The following GRID2 variants were observed in gnomAD, a reference collection of about 807,000 sequenced individuals.
GRID2 encodes glutamate receptor ionotropic, delta-2.
GRID2 carries 33 observed loss-of-function variants against 114.8 expected under a neutral mutation model. That is an observed-to-expected ratio of 0.29 (90% CI 0.22 to 0.38). GRID2 has a LOEUF of 0.38. Among genes scored for constraint, GRID2 ranks in the 10% least tolerant of loss-of-function variants. The pLI is 1.00. For synonymous variants in GRID2, 505 were observed against 449.9 expected (o/e 1.12, Z -1.55); for missense variants, 1,184 against 1,257.7 (o/e 0.94, Z 0.89).
chr4:93,142,126 A>G (rs1235810573), intron 4 of GRID2, among the ~76,000 whole-genome samples: 1 of 152,120 alleles, frequency 6.6e-6, no homozygotes, highest in Non-Finnish European at 1.5e-5. Context: ...AGGCATGAGG[A>G]TGGCTTGAGC....
intron 13 of GRID2, among the ~76,000 whole-genome samples, chr4:93,571,696 T>C (rs915180305): frequency 1.4e-4 from 21 of 152,084 alleles, no homozygotes; most frequent in South Asian, 1.2e-3. Context: ...GTCAAGAAAA[T>C]GTATATATAA....
chr4:93,658,159 A>G (rs1464982146), intron 14 of GRID2, among the ~76,000 whole-genome samples: 1 of 152,214 alleles, frequency 6.6e-6, no homozygotes, highest in African/African-American at 2.4e-5. Flanking sequence ...AATCAATCTT[A>G]GAGCATAAAA....
At chr4:92,962,289 C>A (rs1250733946) in intron 2 of GRID2, among the ~76,000 whole-genome samples, 3 of 151,324 alleles carry the variant, frequency 2.0e-5, no homozygotes, top group Non-Finnish European at 3.0e-5. Context: ...TGTAAATAGA[C>A]CTTTAGTAAT....
At chr4:92,909,809 T>G (rs1391934262) in intron 2 of GRID2, among the ~76,000 whole-genome samples, 1 of 152,148 alleles carries the variant, frequency 6.6e-6, no homozygotes, top group East Asian at 1.9e-4. Context: ...TAGATCATGC[T>G]CTATGTCCTT....
chr4:92,712,095 AATCTG>A (rs1396910281), intron 2 of GRID2, among the ~76,000 whole-genome samples: 1 of 151,996 alleles, frequency 6.6e-6, no homozygotes, highest in Non-Finnish European at 1.5e-5. Context: ...CTACCATACT[AATCTG>A]ATCAACACGA....
intron 1 of GRID2, among the ~76,000 whole-genome samples, chr4:92,361,227 C>G (rs1236722028): frequency 2.0e-5 from 3 of 151,882 alleles, no homozygotes; most frequent in African/African-American, 7.3e-5. Flanking sequence ...ATATCAGAGC[C>G]ATAACTTAAC....
At chr4:93,390,413 C>T (rs1764738848) in intron 8 of GRID2, among the ~76,000 whole-genome samples, 1 of 152,150 alleles carries the variant, frequency 6.6e-6, no homozygotes, top group South Asian at 2.1e-4. Context: ...TTTCTTTAGT[C>T]TCAGTGTGTC....
intron 1 of GRID2, among the ~76,000 whole-genome samples, chr4:92,445,886 A>T (rs995519906): frequency 1.6e-4 from 25 of 152,178 alleles, no homozygotes; most frequent in African/African-American, 4.6e-4. Context: ...CTGTGAACAC[A>T]TTTTTAATTT....
At chr4:93,382,920 T>A (rs933508216) in intron 8 of GRID2, among the ~76,000 whole-genome samples, 3 of 152,008 alleles carry the variant, frequency 2.0e-5, no homozygotes, top group African/African-American at 7.3e-5. Context: ...TCCCCTTTTG[T>A]TCTAAATGTT....
At chr4:92,721,976 C>T (rs978125064) in intron 2 of GRID2, among the ~76,000 whole-genome samples, 3 of 152,140 alleles carry the variant, frequency 2.0e-5, no homozygotes, top group Non-Finnish European at 4.4e-5. Context: ...GTATCTCTAT[C>T]ACCTGCAGGT....
At chr4:92,946,981 T>C (rs1046429429) in intron 2 of GRID2, among the ~76,000 whole-genome samples, 1 of 152,042 alleles carries the variant, frequency 6.6e-6, no homozygotes, top group South Asian at 2.1e-4. Context: ...CTCTGAAAGA[T>C]GGAAAGATTT....
intron 2 of GRID2, among the ~76,000 whole-genome samples, chr4:92,598,337 A>G (rs533562180): frequency 2.6e-5 from 4 of 151,816 alleles, no homozygotes; most frequent in African/African-American, 9.7e-5. Flanking sequence ...TTTGGCCTTT[A>G]CTCTGTAACC....
intron 2 of GRID2, among the ~76,000 whole-genome samples, chr4:92,946,749 A>T (rs1006296046): frequency 7.9e-5 from 12 of 152,104 alleles, no homozygotes; most frequent in Non-Finnish European, 1.3e-4. Flanking sequence ...GGTTCTCCAA[A>T]TGCAGCATCG....
At chr4:92,748,202 G>A (rs1416273876) in intron 2 of GRID2, among the ~76,000 whole-genome samples, 2 of 152,048 alleles carry the variant, frequency 1.3e-5, no homozygotes, top group Non-Finnish European at 2.9e-5. Context: ...AATATTTAAG[G>A]CATGTATTAG....
chr4:92,942,798 G>A (rs1751267504), intron 2 of GRID2, among the ~76,000 whole-genome samples: 1 of 152,142 alleles, frequency 6.6e-6, no homozygotes, highest in African/African-American at 2.4e-5. Flanking sequence ...TTGCTTGTCT[G>A]TAAAGGATTT....
At position 92,617,380 on chromosome 4, in the gene GRID2, C is replaced by A. The variant is rs186821745; in HGVS notation, c.244+27094C>A. On this transcript the variant is annotated intron_variant, in intron 2 of 15. Transcript: ENST00000282020. Reference sequence around the variant, plus strand: ...CCTAATGCTCTCCCTCCACTTGTCCCCCATCCCCGACAGGCCCTGCTGTGT... The same window carrying A: ...CCTAATGCTCTCCCTCCACTTGTCCACCATCCCCGACAGGCCCTGCTGTGT... Among the ~76,000 whole-genome samples the A allele has an allele frequency of 4.8e-3, 727 of 151,686 alleles. 2 individuals are homozygous for A. Among genetic ancestry groups the A allele is most frequent in the Non-Finnish European group, 5.9e-3 (403 of 67,766 alleles).
At chr4:93,694,603 T>C (rs1726851009) in intron 14 of GRID2, among the ~76,000 whole-genome samples, 1 of 152,196 alleles carries the variant, frequency 6.6e-6, no homozygotes, top group South Asian at 2.1e-4. Flanking sequence ...CGCCTCCCAG[T>C]CCTTATCACT....
intron 14 of GRID2, among the ~76,000 whole-genome samples, chr4:93,665,479 T>C (rs1354445643): frequency 6.6e-6 from 1 of 152,228 alleles, no homozygotes; most frequent in East Asian, 1.9e-4. Flanking sequence ...GATGTGTCTT[T>C]TATATGCATT....
chr4:92,410,864 A>G (rs1731265409), intron 1 of GRID2, among the ~76,000 whole-genome samples: 1 of 149,560 alleles, frequency 6.7e-6, no homozygotes, highest in South Asian at 2.1e-4. Context: ...TTGCAAAGAA[A>G]CACATGAATA....
Sources: gnomAD v4.1 joint callset for allele counts (sites outside exome capture counted in the v4.1 genomes callset) on GRCh38, gnomAD v4.1.1 for gene constraint, MANE v1.5 for transcripts, NCBI Gene and HGNC (gene_info 2026-07-23, HGNC 2026-07-21) for gene names.